The following SMCO4 variants were observed in gnomAD, a reference collection of about 807,000 sequenced individuals.
SMCO4 encodes the protein single-pass membrane protein with coiled-coil domains 4.
SMCO4 carries 4 observed loss-of-function variants against 3.6 expected under a neutral mutation model. The ratio of observed to expected loss-of-function variants is 1.11; its 90% CI spans 0.54 to 2.53. The LOEUF (loss-of-function observed/expected upper bound fraction) is 2.53. Ranked by LOEUF, SMCO4 falls within the 30% of genes most tolerant of loss-of-function variation. The pLI is 0.02. For synonymous variants in SMCO4, 36 were observed against 35.3 expected, an observed-to-expected ratio of 1.02 and a Z score of -0.07; for missense variants, 70 against 80.8, an observed-to-expected ratio of 0.87 and a Z score of 0.51.
intron 1 of SMCO4, among the ~76,000 whole-genome samples, chr11:93,524,160 A>G (rs1451882353): frequency 1.3e-5 from 2 of 152,092 alleles, no homozygotes; most frequent in African/African-American, 4.8e-5. Context: ...CACATACACT[A>G]TCTCATATAT....
chr11:93,493,095 C>T (rs1948737040), intron 2 of SMCO4, among the ~76,000 whole-genome samples: 1 of 152,160 alleles, frequency 6.6e-6, no homozygotes, highest in Admixed American at 6.5e-5. Context: ...TAAATGTCCT[C>T]CTTTTTGCTG....
chr11:93,531,084 G>A (rs1949157656), intron 1 of SMCO4, among the ~76,000 whole-genome samples: 1 of 152,206 alleles, frequency 6.6e-6, no homozygotes, highest in Non-Finnish European at 1.5e-5. Context: ...TTCCTTGTAT[G>A]TCTGTGAGGA....
At chr11:93,516,353 C>T (rs2134616607) in intron 1 of SMCO4, among the ~76,000 whole-genome samples, 1 of 152,228 alleles carries the variant, frequency 6.6e-6, no homozygotes, top group East Asian at 1.9e-4. Context: ...TCTTCAGATC[C>T]CAAGTCCAAT....
At chr11:93,486,523 C>A (rs1022850583) in intron 2 of SMCO4, among the ~76,000 whole-genome samples, 1 of 152,172 alleles carries the variant, frequency 6.6e-6, no homozygotes, top group Non-Finnish European at 1.5e-5. Context: ...TGGAAGGTGC[C>A]GCTACACGCT....
intron 1 of SMCO4, among the ~76,000 whole-genome samples, chr11:93,509,627 C>T (rs1948940416): frequency 6.6e-6 from 1 of 152,210 alleles, no homozygotes; most frequent in Admixed American, 6.5e-5. Flanking sequence ...CCACGAAAGA[C>T]TACTGCGTCA....
intron 2 of SMCO4, among the ~76,000 whole-genome samples, chr11:93,482,759 G>C (rs998196771): frequency 5.3e-5 from 8 of 152,360 alleles, no homozygotes; most frequent in African/African-American, 1.9e-4. Context: ...TCAGTGCAGA[G>C]CTGGCTGACA....
intron 1 of SMCO4, among the ~76,000 whole-genome samples, chr11:93,529,167 A>G (rs529452153): frequency 6.6e-6 from 1 of 152,350 alleles, no homozygotes; most frequent in East Asian, 1.9e-4. Context: ...TGTGCAATTT[A>G]AAAGGCAGTT....
the SMCO4 span, among the ~76,000 whole-genome samples, chr11:93,548,964 G>A: frequency 6.1e-4 from 93 of 152,336 alleles, 4 homozygotes; most frequent in Non-Finnish European, 5.1e-4. Context: ...CACTCTATGC[G>A]TATGAAGAGG....
the SMCO4 span, among the ~76,000 whole-genome samples, chr11:93,550,389 G>A: frequency 6.6e-6 from 1 of 152,160 alleles, no homozygotes; most frequent in Non-Finnish European, 1.5e-5. Flanking sequence ...GCCAGGCATG[G>A]TGCCTCATGC....
At chr11:93,502,441 T>A (rs1268275561) in intron 1 of SMCO4, among the ~76,000 whole-genome samples, 2 of 152,200 alleles carry the variant, frequency 1.3e-5, no homozygotes, top group African/African-American at 4.8e-5. Context: ...TTTTCTTGCA[T>A]GGTCAGAATA....
At chr11:93,541,497 A>T (rs1487739386) in intron 1 of SMCO4, among the ~76,000 whole-genome samples, 3 of 152,198 alleles carry the variant, frequency 2.0e-5, no homozygotes, top group Non-Finnish European at 4.4e-5. Context: ...AATATTATGC[A>T]ATGAGAGACC....
chr11:93,527,427 G>C (rs530082538), intron 1 of SMCO4, among the ~76,000 whole-genome samples: 1 of 152,164 alleles, frequency 6.6e-6, no homozygotes, highest in Admixed American at 6.5e-5. Context: ...TGTGGTTAAG[G>C]CCACAAAACT....
At chr11:93,510,985 G>A (rs1405591093) in intron 1 of SMCO4, among the ~76,000 whole-genome samples, 1 of 152,126 alleles carries the variant, frequency 6.6e-6, no homozygotes, top group Non-Finnish European at 1.5e-5. Flanking sequence ...TGTATACCCA[G>A]CTACTGCGGA....
chr11:93,487,317 G>A (rs770150443), intron 2 of SMCO4, among the ~76,000 whole-genome samples: 31 of 152,288 alleles, frequency 2.0e-4, no homozygotes, highest in African/African-American at 7.2e-4. Flanking sequence ...TAACATAAGC[G>A]TCTGCCCCAG....
chr11:93,501,947 T>A (rs910797327), intron 1 of SMCO4, among the ~76,000 whole-genome samples: 1 of 151,750 alleles, frequency 6.6e-6, no homozygotes, highest in Non-Finnish European at 1.5e-5. Flanking sequence ...GCTATGCCTC[T>A]CTATAGCCCA....
intron 1 of SMCO4, among the ~76,000 whole-genome samples, chr11:93,500,029 T>C (rs1948819207): frequency 6.6e-6 from 1 of 152,200 alleles, no homozygotes; most frequent in South Asian, 2.1e-4. Flanking sequence ...AGAGTTCCCT[T>C]GAAAGTAAAA....
intron 2 of SMCO4, 124 bp from the exon 3 acceptor site, chr11:93,479,393 A>G: frequency 1.1e-6 from 1 of 878,976 alleles, no homozygotes; most frequent in Non-Finnish European, 1.6e-6. Context: ...CTAAGAACAG[A>G]GGCCACACCA....
the SMCO4 span, among the ~76,000 whole-genome samples, chr11:93,553,703 A>G: frequency 2.0e-5 from 3 of 152,230 alleles, no homozygotes; most frequent in East Asian, 1.9e-4. Flanking sequence ...TTAAAGCTGC[A>G]TCTTAACATA....
intron 2 of SMCO4, among the ~76,000 whole-genome samples, 190 bp downstream of exon 2, chr11:93,499,086 C>A (rs575621141): frequency 2.6e-4 from 39 of 152,052 alleles, no homozygotes; most frequent in African/African-American, 8.4e-4. Context: ...AGAAATCACC[C>A]GCAGCCTGGA....
Sources: gnomAD v4.1 joint callset for allele counts (sites outside exome capture counted in the v4.1 genomes callset) on GRCh38, gnomAD v4.1.1 for gene constraint, MANE v1.5 for transcripts, NCBI Gene and HGNC (gene_info 2026-07-23, HGNC 2026-07-21) for gene names.